Variants in IL7 observed in about 807,000 individuals in gnomAD.
IL7 encodes the protein interleukin 7.
IL7 carries 3 observed loss-of-function variants against 21.6 expected under a neutral mutation model. That is an observed-to-expected ratio of 0.14 (90% CI 0.06 to 0.36). The LOEUF (loss-of-function observed/expected upper bound fraction) is 0.36, where lower values mean the gene tolerates loss of function less well. Ranked by LOEUF, IL7 falls within the 10% of genes least tolerant of loss-of-function variation. The pLI is 1.00. For synonymous variants in IL7, 62 were observed against 68.1 expected (o/e 0.91, Z 0.44); for missense variants, 175 against 200.2 (o/e 0.87, Z 0.76).
chr8:78,771,206 T>C (rs1487457331), intron 2 of IL7, among the ~76,000 whole-genome samples: 1 of 139,488 alleles, frequency 7.2e-6, no homozygotes, highest in South Asian at 2.2e-4. Context: ...TTGCATATCA[T>C]TCCTATTTCT....
At chr8:78,690,249 C>T (rs116223179) in intron 3 of IL7, among the ~76,000 whole-genome samples, 3,266 of 152,264 alleles carry the variant, frequency 0.021, 121 homozygotes, top group African/African-American at 0.068. Flanking sequence ...AATTTTCCTA[C>T]TTGAATTCCT....
At chr8:78,735,597 C>T (rs1052268686) in intron 5 of IL7, among the ~76,000 whole-genome samples, 16 of 151,942 alleles carry the variant, frequency 1.1e-4, no homozygotes, top group Admixed American at 7.9e-4. Context: ...CGTGAGCCAC[C>T]GCACCCAACC....
intron 3 of IL7, among the ~76,000 whole-genome samples, chr8:78,706,511 G>T (rs961074110): frequency 6.6e-6 from 1 of 152,086 alleles, no homozygotes; most frequent in Non-Finnish European, 1.5e-5. Context: ...GAGAAGCGTG[G>T]TTTCCCAGGG....
intron 2 of IL7, chr8:78,760,635 G>C (rs1812521518): frequency 1.3e-6 from 2 of 1,581,570 alleles, no homozygotes; most frequent in Admixed American, 3.6e-5. Context: ...GCTTTGAGGT[G>C]CTGTTCTGAG....
intron 2 of IL7, among the ~76,000 whole-genome samples, chr8:78,778,247 A>C (rs544596331): frequency 2.6e-5 from 4 of 152,086 alleles, no homozygotes; most frequent in Non-Finnish European, 5.9e-5. Context: ...GCAAAATTGC[A>C]TGGAAAGGCA....
At chr8:78,763,630 A>C (rs1812651937) in intron 2 of IL7, among the ~76,000 whole-genome samples, 1 of 152,228 alleles carries the variant, frequency 6.6e-6, no homozygotes, top group Non-Finnish European at 1.5e-5. Context: ...ACACAAAAAG[A>C]AATAGAAACT....
At chr8:78,731,194 T>G (rs1351514210), downstream of IL7, among the ~76,000 whole-genome samples, 2 of 152,022 alleles carry the variant, frequency 1.3e-5, no homozygotes, top group Non-Finnish European at 2.9e-5. Flanking sequence ...GGATCAATTT[T>G]AAGAAAATTA....
intron 3 of IL7, among the ~76,000 whole-genome samples, chr8:78,709,720 A>T (rs1810894744): frequency 1.4e-5 from 2 of 139,490 alleles, no homozygotes; most frequent in Admixed American, 1.4e-4. Context: ...CTGATGAACT[A>T]AAAAAAAAAA....
chr8:78,765,145 T>C (rs1227281312), intron 2 of IL7, among the ~76,000 whole-genome samples: 1 of 152,112 alleles, frequency 6.6e-6, no homozygotes, highest in African/African-American at 2.4e-5. Flanking sequence ...AACATTAATC[T>C]AGACACAGAC....
At chr8:78,760,984 A>G (rs1404597823) in intron 2 of IL7, 41 of 1,593,090 alleles carry the variant, frequency 2.6e-5, no homozygotes, top group Non-Finnish European at 3.4e-5. Flanking sequence ...CAACAATAGT[A>G]ACAATGAAAT....
chr8:78,686,431 GTTTA>G (rs60056547), intron 3 of IL7: 911,824 of 1,172,520 alleles, frequency 0.78, 351,415 homozygotes, highest in East Asian at 0.9. Context: ...GATACTGTTT[GTTTA>G]TTTATTTATT....
intron 3 of IL7, among the ~76,000 whole-genome samples, chr8:78,709,619 AG>A (rs1307064362): frequency 6.6e-6 from 1 of 152,098 alleles, no homozygotes; most frequent in African/African-American, 2.4e-5. Context: ...GCCTTAGAGC[AG>A]GGGGGTGTTC....
chr8:78,689,034 C>T (rs1585998962), intron 3 of IL7, among the ~76,000 whole-genome samples: 1 of 146,168 alleles, frequency 6.8e-6, no homozygotes. Context: ...TACCAGCAGA[C>T]TTTTTTTTTT....
In IL7 at chr8:78,798,098, G is replaced by A; in HGVS notation, c.121C>T (p.Leu41=). Residue 41 remains leucine, a synonymous_variant, in exon 2 of 6, where the codon CTA becomes TTA. Coordinates refer to ENST00000263851, the MANE Select transcript of IL7 (RefSeq NM_000880.4). ...AATAATTGATCGATGCTGACCATTAGAACACTCTCATATTGTTTGCCATCT... is the reference window on the plus strand; with the variant it reads ...AATAATTGATCGATGCTGACCATTAAAACACTCTCATATTGTTTGCCATCT... ...GKDGKQYESV[L]MVSIDQLLDS... is the part of the protein sequence containing the mutation. 6.2e-7 allele frequency: 1 copy of A among 1,611,410 alleles called. No individual in the cohort carries two copies. The highest frequency in any genetic ancestry group is 8.5e-7 in the Non-Finnish European group (1 of 1,178,288).
intron 4 of IL7, among the ~76,000 whole-genome samples, chr8:78,681,023 T>C (rs1015763998): frequency 6.6e-6 from 1 of 151,540 alleles, no homozygotes; most frequent in East Asian, 1.9e-4. Context: ...TAGAAAACAT[T>C]AGTGAAAATC....
chr8:78,778,934 T>C (rs1323750153), intron 2 of IL7, among the ~76,000 whole-genome samples: 1 of 152,204 alleles, frequency 6.6e-6, no homozygotes, highest in Non-Finnish European at 1.5e-5. Context: ...CAGTGGTTTG[T>C]ATTTCTCCCT....
At chr8:78,799,912 T>TA (rs201402178) in intron 1 of IL7, among the ~76,000 whole-genome samples, 1,560 of 152,214 alleles carry the variant, frequency 0.01, 16 homozygotes, top group African/African-American at 0.035. Context: ...TTTTGGCAAT[T>TA]AAAAAAATGT....
intron 3 of IL7, among the ~76,000 whole-genome samples, chr8:78,739,412 G>A (rs1393269165): frequency 6.6e-6 from 1 of 152,138 alleles, no homozygotes; most frequent in Non-Finnish European, 1.5e-5. Context: ...GAAATTTAGA[G>A]GCCAGGCACC....
At chr8:78,803,732 G>A (rs906089003) in intron 1 of IL7, among the ~76,000 whole-genome samples, 3 of 152,294 alleles carry the variant, frequency 2.0e-5, no homozygotes, top group Non-Finnish European at 4.4e-5. Context: ...GGCATTGCAA[G>A]GAAAATAGGG....
Sources: gnomAD v4.1 joint callset for allele counts (sites outside exome capture counted in the v4.1 genomes callset) on GRCh38, gnomAD v4.1.1 for gene constraint, MANE v1.5 for transcripts, NCBI Gene and HGNC (gene_info 2026-07-23, HGNC 2026-07-21) for gene names.